The following UST variants were observed in gnomAD, a reference collection of about 807,000 sequenced individuals.
UST encodes the protein uronyl 2-sulfotransferase.
In UST, 21 loss-of-function variants were observed where a neutral mutation model predicts 45.6. The ratio of observed to expected loss-of-function variants is 0.46; its 90% CI spans 0.33 to 0.66. The LOEUF is 0.66. Ranked by LOEUF, UST falls within the 30% of genes least tolerant of loss-of-function variation. The probability of loss-of-function intolerance (pLI) is 0.02; values close to 1 mark genes in which losing one functional copy is unlikely to be tolerated. For synonymous variants in UST, 215 were observed against 200.6 expected, an observed-to-expected ratio of 1.07 and a Z score of -0.61; for missense variants, 463 against 512.4, an observed-to-expected ratio of 0.90 and a Z score of 0.93.
At chr6:149,063,761 CTG>C (rs894959852) in intron 7 of UST, among the ~76,000 whole-genome samples, 17 of 152,186 alleles carry the variant, frequency 1.1e-4, no homozygotes, top group Admixed American at 2.6e-4. Flanking sequence ...CAGAGGAGAA[CTG>C]TGTTTCCCCA....
chr6:148,912,900 A>C (rs1308276136), intron 2 of UST, among the ~76,000 whole-genome samples: 1 of 152,170 alleles, frequency 6.6e-6, no homozygotes, highest in African/African-American at 2.4e-5. Context: ...TATTTGAAGG[A>C]TCAGTTATCA....
At chr6:148,910,156 T>TTTTTC (rs1184456005) in intron 2 of UST, among the ~76,000 whole-genome samples, 127 of 108,142 alleles carry the variant, frequency 1.2e-3, no homozygotes, top group African/African-American at 4.3e-3. Flanking sequence ...TTTTTTTTTT[T>TTTTTC]TGAGACAGAG....
At chr6:148,804,866 G>T (rs9399665) in intron 1 of UST, among the ~76,000 whole-genome samples, 37,489 of 148,966 alleles carry the variant, frequency 0.25, 5,540 homozygotes, top group East Asian at 0.45. Context: ...CATCTATATG[G>T]TTCATAAAAT....
chr6:148,947,888 C>G (rs6570914), intron 3 of UST, among the ~76,000 whole-genome samples: 77,060 of 150,842 alleles, frequency 0.51, 19,862 homozygotes, highest in South Asian at 0.62. Flanking sequence ...GAGCCCTACA[C>G]ACAGAAACTG....
At chr6:149,050,291 T>G (rs1776464156) in intron 7 of UST, among the ~76,000 whole-genome samples, 1 of 152,212 alleles carries the variant, frequency 6.6e-6, no homozygotes, top group African/African-American at 2.4e-5. Context: ...GTAGTAAGAT[T>G]AAATATTATA....
chr6:148,759,873 T>G (rs1361818783), intron 1 of UST, among the ~76,000 whole-genome samples: 2 of 121,654 alleles, frequency 1.6e-5, no homozygotes, highest in Non-Finnish European at 3.5e-5. Flanking sequence ...AAAAAAAAAG[T>G]CCCTGAGGTA....
At chr6:148,794,699 G>A (rs559719196) in intron 1 of UST, among the ~76,000 whole-genome samples, 1 of 152,306 alleles carries the variant, frequency 6.6e-6, no homozygotes, top group South Asian at 2.1e-4. Context: ...GTGGCTGCTT[G>A]TACAGAAAGA....
intron 2 of UST, among the ~76,000 whole-genome samples, chr6:148,931,878 G>A (rs1018857567): frequency 6.6e-6 from 1 of 152,212 alleles, no homozygotes; most frequent in Non-Finnish European, 1.5e-5. Context: ...CCAAGCACAA[G>A]TGCAGTAGGG....
chr6:149,042,995 C>A (rs993689833), intron 7 of UST, among the ~76,000 whole-genome samples: 1 of 117,552 alleles, frequency 8.5e-6, no homozygotes, highest in South Asian at 2.6e-4. Context: ...TTCTTTCTTT[C>A]TTTCTTTCTT....
intron 7 of UST, among the ~76,000 whole-genome samples, chr6:149,039,475 C>T (rs1262189104): frequency 1.3e-5 from 2 of 152,258 alleles, no homozygotes; most frequent in East Asian, 3.9e-4. Flanking sequence ...ATCCACCCGC[C>T]TCAGCCTCCC....
At chr6:148,944,047 T>G (rs1780184082) in intron 3 of UST, among the ~76,000 whole-genome samples, 2 of 152,206 alleles carry the variant, frequency 1.3e-5, no homozygotes, top group Admixed American at 1.3e-4. Context: ...AGTTTCAACG[T>G]GCATAAACAG....
At chr6:148,910,750 A>C (rs539863669) in intron 2 of UST, among the ~76,000 whole-genome samples, 2 of 151,928 alleles carry the variant, frequency 1.3e-5, no homozygotes, top group Middle Eastern at 6.8e-3. Context: ...ACCTTATTTA[A>C]CCCATACCTT....
chr6:148,863,897 G>A (rs1778369767), intron 1 of UST, among the ~76,000 whole-genome samples: 2 of 152,186 alleles, frequency 1.3e-5, no homozygotes, highest in African/African-American at 2.4e-5. Flanking sequence ...GGCCGTATGA[G>A]GTGTCAGTTG....
At chr6:149,009,912 A>G (rs1206472774) in intron 5 of UST, among the ~76,000 whole-genome samples, 1 of 151,922 alleles carries the variant, frequency 6.6e-6, no homozygotes, top group African/African-American at 2.4e-5. Flanking sequence ...TTTTAAGACC[A>G]AAATAGAAAA....
chr6:149,045,005 A>G (rs1404924362), intron 7 of UST, among the ~76,000 whole-genome samples: 2 of 152,246 alleles, frequency 1.3e-5, no homozygotes, highest in Admixed American at 6.5e-5. Flanking sequence ...TCTCAACTGT[A>G]TGCCAAATTC....
At chr6:149,065,937 A>G (rs1476250746) in intron 7 of UST, among the ~76,000 whole-genome samples, 2 of 152,222 alleles carry the variant, frequency 1.3e-5, no homozygotes, top group Non-Finnish European at 2.9e-5. Flanking sequence ...TCACAGTGCT[A>G]TGAGGACTAA....
chr6:148,757,465 G>A (rs1181251766), intron 1 of UST, among the ~76,000 whole-genome samples: 4 of 152,202 alleles, frequency 2.6e-5, no homozygotes, highest in Non-Finnish European at 5.9e-5. Context: ...AAGGAGATGA[G>A]ACCGTGGAAT....
chr6:148,945,129 G>A (rs1307700000), intron 3 of UST, among the ~76,000 whole-genome samples: 1 of 152,220 alleles, frequency 6.6e-6, no homozygotes, highest in Non-Finnish European at 1.5e-5. Context: ...TGTTGAAACT[G>A]AGGATTACGT....
At chr6:148,863,378 T>C (rs1157247779) in intron 1 of UST, among the ~76,000 whole-genome samples, 1 of 152,234 alleles carries the variant, frequency 6.6e-6, no homozygotes, top group Admixed American at 6.5e-5. Flanking sequence ...CTATGCTGTT[T>C]ATTCTAGTTA....
Sources: allele counts gnomAD v4.1 joint callset (sites outside exome capture counted in the v4.1 genomes callset), GRCh38; gene constraint gnomAD v4.1.1; transcripts MANE v1.5; gene names NCBI Gene and HGNC (gene_info 2026-07-23, HGNC 2026-07-21).